Variants in MCTP1 observed in about 807,000 individuals in gnomAD.
MCTP1 encodes multiple C2 and transmembrane domain containing 1, also known as multiple C2 and transmembrane domain-containing protein 1.
MCTP1 carries 69 observed loss-of-function variants against 120.6 expected under a neutral mutation model. The ratio of observed to expected loss-of-function variants is 0.57; its 90% CI spans 0.47 to 0.70. The LOEUF (loss-of-function observed/expected upper bound fraction) is 0.70. MCTP1 is among the 30% of genes least tolerant of loss of function. The pLI, the probability that MCTP1 is intolerant of heterozygous loss-of-function variation, is 0.00. For synonymous variants in MCTP1, 529 were observed against 493.1 expected (o/e 1.07, Z -0.96); for missense variants, 1,203 against 1,248.8 (o/e 0.96, Z 0.55).
intron 19 of MCTP1, among the ~76,000 whole-genome samples, chr5:94,748,457 T>G (rs1767449131): frequency 6.6e-6 from 1 of 152,216 alleles, no homozygotes. Flanking sequence ...CATTTTGACA[T>G]GGTTAAATAG....
At chr5:94,798,160 C>T (rs1312676262) in intron 18 of MCTP1, among the ~76,000 whole-genome samples, 1 of 151,022 alleles carries the variant, frequency 6.6e-6, no homozygotes, top group African/African-American at 2.4e-5. Flanking sequence ...GTTTGCCAAC[C>T]TTTAAATTCT....
At chr5:95,061,057 T>C (rs1001144732) in intron 1 of MCTP1, among the ~76,000 whole-genome samples, 4 of 150,650 alleles carry the variant, frequency 2.7e-5, no homozygotes, top group Non-Finnish European at 4.4e-5. Context: ...ATGAAGCCAT[T>C]AGGCCTTTGT....
At chr5:95,201,496 T>G (rs1403715653) in intron 1 of MCTP1, among the ~76,000 whole-genome samples, 32 of 48,584 alleles carry the variant, frequency 6.6e-4, no homozygotes, top group African/African-American at 2.0e-3. Context: ...TTTTTTTTTT[T>G]TTTTTTTTTT....
At chr5:94,766,178 T>C (rs538527643) in intron 19 of MCTP1, among the ~76,000 whole-genome samples, 4 of 151,964 alleles carry the variant, frequency 2.6e-5, no homozygotes, top group East Asian at 3.9e-4. Context: ...ACTCGGGAGG[T>C]GGAGGTTGCA....
chr5:94,936,209 C>T (rs1561885907), intron 5 of MCTP1, among the ~76,000 whole-genome samples: 1 of 150,526 alleles, frequency 6.6e-6, no homozygotes, highest in Non-Finnish European at 1.5e-5. Flanking sequence ...TTGTTTGTGA[C>T]AACCTCAGGG....
At chr5:94,849,570 A>T (rs1376589628) in intron 17 of MCTP1, among the ~76,000 whole-genome samples, 1 of 152,124 alleles carries the variant, frequency 6.6e-6, no homozygotes, top group East Asian at 1.9e-4. Flanking sequence ...TAGCGTCCCA[A>T]TCTAGAGCAG....
intron 18 of MCTP1, among the ~76,000 whole-genome samples, chr5:94,787,091 C>G (rs1196978969): frequency 1.3e-5 from 2 of 151,968 alleles, no homozygotes; most frequent in African/African-American, 4.8e-5. Context: ...AAGAATTTTG[C>G]TTTTGGACTC....
At chr5:95,251,113 TA>T (rs1451275703) in intron 1 of MCTP1, among the ~76,000 whole-genome samples, 2 of 152,034 alleles carry the variant, frequency 1.3e-5, no homozygotes, top group Non-Finnish European at 2.9e-5. Context: ...ACAAGTGCTA[TA>T]AAACAGCAGA....
At chr5:94,832,636 AC>A (rs1580926929) in intron 17 of MCTP1, among the ~76,000 whole-genome samples, 1 of 148,408 alleles carries the variant, frequency 6.7e-6, no homozygotes, top group East Asian at 1.9e-4. Flanking sequence ...ACACACACAC[AC>A]ACACACACAC....
chr5:94,954,147 C>CATATATATGAATATATATACAA lies in MCTP1; in HGVS notation c.839-787_839-786insTTGTATATATATTCATATATAT, dbSNP rs1821793265. 8.0e-4 allele frequency among the ~76,000 whole-genome samples: 26 copies of CATATATATGAATATATATACAA among 32,504 alleles called. 2 individuals carry two copies. The highest frequency in any genetic ancestry group is 3.8e-3 in the African/African-American group (25 of 6,504). 21.3% of individuals were successfully genotyped at this position (32,504 alleles called of 152,430 possible). ...ACAAATATATATATGCATATATATA[C>CATATATATGAATATATATACAA]ATATATATATGCATATATATACATA... On this transcript the variant is annotated intron_variant, in intron 2 of 22. Transcript: ENST00000515393.
chr5:94,730,868 T>G (rs1014323395), intron 19 of MCTP1, among the ~76,000 whole-genome samples: 2 of 151,892 alleles, frequency 1.3e-5, no homozygotes, highest in Non-Finnish European at 2.9e-5. Flanking sequence ...TCATAAATAC[T>G]CTGAGTTCTG....
intron 1 of MCTP1, among the ~76,000 whole-genome samples, chr5:95,034,232 G>A (rs1024909319): frequency 1.8e-4 from 27 of 151,652 alleles, no homozygotes; most frequent in South Asian, 1.7e-3. Context: ...ATTCTAAAAT[G>A]TATATGGAAC....
chr5:95,106,531 C>T (rs964499125), intron 1 of MCTP1, among the ~76,000 whole-genome samples: 3 of 152,208 alleles, frequency 2.0e-5, no homozygotes, highest in Non-Finnish European at 4.4e-5. Context: ...CTTGAGTCAA[C>T]AAATTCCTGT....
intron 4 of MCTP1, among the ~76,000 whole-genome samples, chr5:94,941,335 T>C (rs1436985392): frequency 6.6e-6 from 1 of 152,008 alleles, no homozygotes; most frequent in Non-Finnish European, 1.5e-5. Flanking sequence ...TGCTAGGTTA[T>C]AGGCTGGAAT....
At chr5:95,092,812 T>C (rs748341363) in intron 1 of MCTP1, among the ~76,000 whole-genome samples, 1 of 152,230 alleles carries the variant, frequency 6.6e-6, no homozygotes, top group African/African-American at 2.4e-5. Flanking sequence ...TAATATCCTT[T>C]ACTAAAGTTT....
chr5:95,087,766 C>G (rs1262979952), intron 1 of MCTP1, among the ~76,000 whole-genome samples: 5 of 152,104 alleles, frequency 3.3e-5, no homozygotes, highest in Non-Finnish European at 7.4e-5. Context: ...GGCTCTGCCT[C>G]TCTCATTTCA....
chr5:94,868,784 T>A (rs758338363), intron 16 of MCTP1, among the ~76,000 whole-genome samples: 1 of 152,024 alleles, frequency 6.6e-6, no homozygotes, highest in Non-Finnish European at 1.5e-5. Flanking sequence ...CTCTTAAACC[T>A]TATTGTGGTT....
intron 17 of MCTP1, among the ~76,000 whole-genome samples, chr5:94,859,920 T>A (rs1242575326): frequency 8.6e-5 from 13 of 151,746 alleles, no homozygotes; most frequent in Admixed American, 8.6e-4. Flanking sequence ...CAACACTGGA[T>A]GAAAAATTCT....
intron 19 of MCTP1, among the ~76,000 whole-genome samples, chr5:94,737,348 G>A (rs1223263910): frequency 6.6e-6 from 1 of 152,178 alleles, no homozygotes; most frequent in Admixed American, 6.5e-5. Context: ...CATCTAAGTA[G>A]AAGAGATAGG....
Sources: gnomAD v4.1 joint callset for allele counts (sites outside exome capture counted in the v4.1 genomes callset) on GRCh38, gnomAD v4.1.1 for gene constraint, MANE v1.5 for transcripts, NCBI Gene and HGNC (gene_info 2026-07-23, HGNC 2026-07-21) for gene names.